Variants in ALG9 observed in about 807,000 individuals in gnomAD.
ALG9 encodes the protein alpha-1,2-mannosyltransferase ALG9.
A neutral mutation model predicts 81.8 loss-of-function variants in ALG9; 55 were observed. That is an observed-to-expected ratio of 0.67 (90% CI 0.54 to 0.84). The LOEUF (loss-of-function observed/expected upper bound fraction) is 0.84, where lower values mean the gene tolerates loss of function less well. Ranked by LOEUF, ALG9 falls within the 40% of genes least tolerant of loss-of-function variation. The pLI is 0.00. For synonymous variants in ALG9, 278 were observed against 274.3 expected, an observed-to-expected ratio of 1.01 and a Z score of -0.13; for missense variants, 629 against 745.0, an observed-to-expected ratio of 0.84 and a Z score of 1.81.
At chr11:111,797,478 G>A (rs1350330607) in intron 14 of ALG9, among the ~76,000 whole-genome samples, 1 of 152,228 alleles carries the variant, frequency 6.6e-6, no homozygotes, top group East Asian at 1.9e-4. Context: ...CAGATCCTGA[G>A]TAAGAACTGG....
chr11:111,822,774 G>A (rs1952638759), intron 13 of ALG9, among the ~76,000 whole-genome samples: 1 of 151,760 alleles, frequency 6.6e-6, no homozygotes, highest in Admixed American at 6.6e-5. Context: ...TGCAATCCCA[G>A]CACTTTGGGA....
intron 11 of ALG9, 78 bp from the exon 12 acceptor site, chr11:111,837,693 T>C (rs993634998): frequency 6.6e-7 from 1 of 1,511,178 alleles, no homozygotes. Flanking sequence ...CTCATTAATG[T>C]CGCACTGTAA....
At chr11:111,849,626 C>T (rs1241456884) in intron 8 of ALG9, 4 of 152,046 alleles carry the variant, frequency 2.6e-5, no homozygotes, top group Admixed American at 1.3e-4. Flanking sequence ...ATGCTCTCTC[C>T]CTCCCTCCGC....
intron 13 of ALG9, among the ~76,000 whole-genome samples, chr11:111,821,627 G>A (rs1175958093): frequency 1.3e-5 from 2 of 151,744 alleles, no homozygotes; most frequent in Non-Finnish European, 2.9e-5. Flanking sequence ...GACTTCCGCT[G>A]TTTCCCCAGG....
intron 2 of ALG9, among the ~76,000 whole-genome samples, chr11:111,869,267 T>G (rs1963500267): frequency 1.3e-5 from 2 of 152,242 alleles, no homozygotes; most frequent in African/African-American, 4.8e-5. Context: ...AACCTCTAAA[T>G]TTTATATTCT....
At chr11:111,867,999 T>A (rs1245393937) in intron 3 of ALG9, among the ~76,000 whole-genome samples, 2 of 152,036 alleles carry the variant, frequency 1.3e-5, no homozygotes, top group East Asian at 3.8e-4. Context: ...GGGGGACTAA[T>A]AACAAAAGAT....
At chr11:111,802,504 C>T (rs550779076) in intron 14 of ALG9, among the ~76,000 whole-genome samples, 40 of 152,182 alleles carry the variant, frequency 2.6e-4, no homozygotes, top group Non-Finnish European at 5.0e-4. Flanking sequence ...AATAGATTAG[C>T]GGGATGCCCG....
intron 6 of ALG9, 31 bp downstream of exon 6, chr11:111,857,571 A>G: frequency 6.2e-7 from 1 of 1,614,014 alleles, no homozygotes; most frequent in South Asian, 1.1e-5. Flanking sequence ...ATGCCCAGCG[A>G]TATATGGGAG....
intron 10 of ALG9, among the ~76,000 whole-genome samples, chr11:111,839,323 C>T (rs1420101225): frequency 1.3e-5 from 2 of 152,152 alleles, no homozygotes; most frequent in Admixed American, 6.5e-5. Context: ...CGGTGGCTCA[C>T]GCCTGTAATC....
rs683889 is a variant in ALG9 at position 111,868,485 on chromosome 11, T to C, written c.405+117A>G. On this transcript the variant is annotated intron_variant, in intron 3 of 14. Coordinates refer to ENST00000616540, the MANE Select transcript of ALG9 (RefSeq NM_024740.2). ...TTGAATGGTGAATTGGATAAATGAT[T>C]CTTCTTCAAAAAAAGTTCCCTTTTA... 9,708 of 1,284,200 alleles carry C rather than the reference T, an allele frequency of 7.6e-3. 619 individuals are homozygous for C. In the African/African-American group the frequency reaches 0.13, roughly 17 times the overall value. The allele number at this position is 1,284,200 out of a possible 1,614,324, so 79.6% of individuals were successfully genotyped here.
chr11:111,845,696 C>A (rs1956849301), intron 8 of ALG9, among the ~76,000 whole-genome samples: 1 of 152,188 alleles, frequency 6.6e-6, no homozygotes, highest in Non-Finnish European at 1.5e-5. Context: ...GTGAATGACA[C>A]ATGCGGGTTT....
chr11:111,839,840 C>A (rs1251036011), intron 10 of ALG9, among the ~76,000 whole-genome samples: 1 of 152,002 alleles, frequency 6.6e-6, no homozygotes, highest in African/African-American at 2.4e-5. Flanking sequence ...AAAAGCCAGT[C>A]ACAAAAGACC....
At chr11:111,862,690 ATAT>A (rs1328694614) in intron 4 of ALG9, among the ~76,000 whole-genome samples, 1 of 150,202 alleles carries the variant, frequency 6.7e-6, no homozygotes, top group Non-Finnish European at 1.5e-5. Flanking sequence ...TTAAATATAA[ATAT>A]TATATACATA....
intron 8 of ALG9, chr11:111,849,529 A>T (rs1313805981): frequency 2.0e-5 from 3 of 152,196 alleles, no homozygotes; most frequent in African/African-American, 7.2e-5. Flanking sequence ...GGTTTGTTAC[A>T]TAGGTAAACT....
chr11:111,843,379 C>A (rs1555125761), intron 9 of ALG9, among the ~76,000 whole-genome samples: 1 of 152,106 alleles, frequency 6.6e-6, no homozygotes, highest in African/African-American at 2.4e-5. Flanking sequence ...ATTTTTCAGA[C>A]AATCTAGGAA....
intron 14 of ALG9, chr11:111,805,281 C>T (rs1555084037): frequency 2.2e-6 from 1 of 456,308 alleles, no homozygotes; most frequent in East Asian, 6.9e-5. Context: ...CTTGACTATA[C>T]TGGCATCGTG....
intron 11 of ALG9, among the ~76,000 whole-genome samples, chr11:111,837,822 A>G (rs1287620439): frequency 6.6e-6 from 1 of 152,214 alleles, no homozygotes; most frequent in Non-Finnish European, 1.5e-5. Context: ...CTATTCTGCA[A>G]AAAATAATTG....
intron 5 of ALG9, among the ~76,000 whole-genome samples, chr11:111,859,953 C>G (rs1555146481): frequency 6.6e-6 from 1 of 152,064 alleles, no homozygotes; most frequent in South Asian, 2.1e-4. Context: ...GCTTATACAA[C>G]ACAAATGTTC....
intron 8 of ALG9, among the ~76,000 whole-genome samples, chr11:111,848,464 C>T (rs1361223719): frequency 6.6e-6 from 1 of 151,786 alleles, no homozygotes; most frequent in Non-Finnish European, 1.5e-5. Flanking sequence ...GTGGTGCATG[C>T]CTGTAATCCC....
Sources: allele counts gnomAD v4.1 joint callset (sites outside exome capture counted in the v4.1 genomes callset), GRCh38; gene constraint gnomAD v4.1.1; transcripts MANE v1.5; gene names NCBI Gene and HGNC (gene_info 2026-07-23, HGNC 2026-07-21).